The following TAFA2 variants were observed in gnomAD, a reference collection of about 807,000 sequenced individuals.
The protein encoded by TAFA2 is chemokine-like protein TAFA-2.
In TAFA2, 7 loss-of-function variants were observed where a neutral mutation model predicts 18.8. That is an observed-to-expected ratio of 0.37 (90% CI 0.21 to 0.70). The LOEUF is 0.70. Ranked by LOEUF, TAFA2 falls within the 30% of genes least tolerant of loss-of-function variation. The pLI, the probability that TAFA2 is intolerant of heterozygous loss-of-function variation, is 0.53. For missense variants in TAFA2, 122 were observed against 158.1 expected (o/e 0.77, Z 1.23); for synonymous variants, 60 against 54.2 (o/e 1.11, Z -0.47).
At chr12:61,900,988 G>C (rs541724287) in intron 1 of TAFA2, among the ~76,000 whole-genome samples, 192 of 152,004 alleles carry the variant, frequency 1.3e-3, no homozygotes, top group Non-Finnish European at 2.1e-3. Flanking sequence ...TCATTAAATT[G>C]GCCAATCCAT....
chr12:62,243,835 C>G (rs1201569087), intron 1 of TAFA2, among the ~76,000 whole-genome samples: 1 of 152,202 alleles, frequency 6.6e-6, no homozygotes, highest in Non-Finnish European at 1.5e-5. Context: ...GACTGAAGGG[C>G]AGTGGTAGCA....
chr12:61,734,474 C>A (rs900336439), intron 4 of TAFA2, among the ~76,000 whole-genome samples: 11 of 151,414 alleles, frequency 7.3e-5, no homozygotes, highest in African/African-American at 2.4e-4. Context: ...TGTAACTAAC[C>A]TGCACATTGT....
At chr12:62,198,436 A>C (rs1177176408) in intron 1 of TAFA2, 1 of 152,210 alleles carries the variant, frequency 6.6e-6, no homozygotes, top group Non-Finnish European at 1.5e-5. Flanking sequence ...TAAAGAGAAG[A>C]GATTAGTAAG....
At chr12:62,109,120 G>A (rs570837806) in intron 1 of TAFA2, among the ~76,000 whole-genome samples, 64 of 152,148 alleles carry the variant, frequency 4.2e-4, no homozygotes, top group African/African-American at 1.3e-3. Context: ...TAGGTTTTAC[G>A]TTTAAGTCTT....
intron 1 of TAFA2, among the ~76,000 whole-genome samples, chr12:61,934,696 C>T (rs554933262): frequency 6.6e-6 from 1 of 152,344 alleles, no homozygotes; most frequent in East Asian, 1.9e-4. Context: ...TGCTCTTCTG[C>T]ATCTCAGAAG....
intron 1 of TAFA2, among the ~76,000 whole-genome samples, chr12:62,247,770 A>G (rs55905966): frequency 2.0e-5 from 3 of 152,226 alleles, no homozygotes; most frequent in Non-Finnish European, 4.4e-5. Flanking sequence ...CAGATTCCCA[A>G]AGACCTATAA....
intron 1 of TAFA2, among the ~76,000 whole-genome samples, chr12:62,028,409 A>C (rs1353842440): frequency 6.6e-6 from 1 of 152,126 alleles, no homozygotes; most frequent in Non-Finnish European, 1.5e-5. Flanking sequence ...TCTACAGGAG[A>C]GGAAGCCAGT....
rs552821984 is a variant in TAFA2 at position 62,087,117 on chromosome 12, G to A, written c.-2+104142C>T. ...TGTTCATAGAGACAGAAAGTAGAATGGTGGTTGCCAGGAGCTGGGTGAAAG... is the reference window on the plus strand; with the variant it reads ...TGTTCATAGAGACAGAAAGTAGAATAGTGGTTGCCAGGAGCTGGGTGAAAG... On this transcript the variant is annotated intron_variant, in intron 1 of 4. Coordinates refer to ENST00000416284, the MANE Select transcript of TAFA2 (RefSeq NM_178539.5). Among the ~76,000 whole-genome samples, 20 of 152,170 alleles carry A rather than the reference G, an allele frequency of 1.3e-4. No homozygotes were observed. The South Asian group carries it at 4.1e-3, about 32-fold the overall frequency.
At chr12:61,990,632 C>G (rs964666544) in intron 1 of TAFA2, among the ~76,000 whole-genome samples, 2 of 151,712 alleles carry the variant, frequency 1.3e-5, no homozygotes, top group African/African-American at 2.4e-5. Context: ...AGCGCCCGGC[C>G]CACTGTGCCA....
intron 4 of TAFA2, among the ~76,000 whole-genome samples, chr12:61,732,495 C>T (rs1191976130): frequency 6.6e-6 from 1 of 152,086 alleles, no homozygotes; most frequent in African/African-American, 2.4e-5. Flanking sequence ...CGGTAACACA[C>T]ATGACTTTGT....
chr12:61,816,540 T>C lies in TAFA2; in HGVS notation c.106+50780A>G, dbSNP rs549075606. Among the ~76,000 whole-genome samples, 3 of 151,482 alleles carry C rather than the reference T, an allele frequency of 2.0e-5. No individual in the cohort carries two copies. The South Asian group carries it at 6.2e-4, about 31-fold the overall frequency. On this transcript the variant is annotated intron_variant, in intron 2 of 4. Transcript: ENST00000416284. ...TATATTCCCCTGAGTATATACCCAG[T>C]AATGGAATTGCTGGGTCAAATGGTA...
chr12:62,249,838 A>G (rs1436542271), intron 1 of TAFA2, among the ~76,000 whole-genome samples: 1 of 152,184 alleles, frequency 6.6e-6, no homozygotes, highest in Non-Finnish European at 1.5e-5. Context: ...AGATTCAGAC[A>G]AAGAGCCCTG....
chr12:62,151,491 T>C (rs757024024), intron 1 of TAFA2, among the ~76,000 whole-genome samples: 16 of 152,212 alleles, frequency 1.1e-4, no homozygotes, highest in South Asian at 2.1e-4. Context: ...GGAATGACAA[T>C]ATATATGGTT....
At chr12:62,063,016 C>T (rs1394696143) in intron 1 of TAFA2, among the ~76,000 whole-genome samples, 1 of 152,052 alleles carries the variant, frequency 6.6e-6, no homozygotes, top group African/African-American at 2.4e-5. Context: ...TTGATGGACT[C>T]ATGATTAGAG....
intron 2 of TAFA2, among the ~76,000 whole-genome samples, chr12:61,787,092 C>T (rs908948284): frequency 3.2e-4 from 49 of 151,408 alleles, no homozygotes; most frequent in African/African-American, 1.1e-3. Flanking sequence ...ACAGCAGAAC[C>T]CAACTATTTA....
At chr12:61,931,117 T>C (rs1877537207) in intron 1 of TAFA2, among the ~76,000 whole-genome samples, 1 of 152,232 alleles carries the variant, frequency 6.6e-6, no homozygotes, top group Admixed American at 6.5e-5. Context: ...AGTTGAACCG[T>C]AATCATAAAT....
chr12:61,815,076 A>G (rs1872023296), intron 2 of TAFA2, among the ~76,000 whole-genome samples: 2 of 151,502 alleles, frequency 1.3e-5, no homozygotes, highest in African/African-American at 4.9e-5. Context: ...AATACAGAAG[A>G]GTTTTGCATT....
chr12:61,797,180 A>T (rs1871222315), intron 2 of TAFA2, among the ~76,000 whole-genome samples: 1 of 152,186 alleles, frequency 6.6e-6, no homozygotes, highest in African/African-American at 2.4e-5. Flanking sequence ...ATCACACACC[A>T]ATAGCATCAC....
intron 2 of TAFA2, among the ~76,000 whole-genome samples, chr12:61,788,420 A>T (rs1232936897): frequency 6.6e-6 from 1 of 151,774 alleles, no homozygotes; most frequent in Non-Finnish European, 1.5e-5. Context: ...CTCAACTGTA[A>T]ATGGTACATT....
Sources: allele counts gnomAD v4.1 joint callset (sites outside exome capture counted in the v4.1 genomes callset), GRCh38; gene constraint gnomAD v4.1.1; transcripts MANE v1.5; gene names NCBI Gene and HGNC (gene_info 2026-07-23, HGNC 2026-07-21).